Variants in MECOM observed in about 807,000 individuals in gnomAD.
MECOM encodes histone-lysine N-methyltransferase MECOM.
Under a neutral mutation model 116.3 loss-of-function variants are expected in MECOM, and 13 were observed. The ratio of observed to expected loss-of-function variants is 0.11; its 90% CI spans 0.07 to 0.18. The LOEUF (loss-of-function observed/expected upper bound fraction) is 0.18, where lower values mean the gene tolerates loss of function less well. MECOM is among the 10% of genes least tolerant of loss of function. The pLI, the probability that MECOM is intolerant of heterozygous loss-of-function variation, is 1.00. For synonymous variants in MECOM, 528 were observed against 535.2 expected, an observed-to-expected ratio of 0.99 and a Z score of 0.19; for missense variants, 1,299 against 1,509.0, an observed-to-expected ratio of 0.86 and a Z score of 2.31.
chr3:169,443,817 G>A (rs1424501851), intron 1 of MECOM, among the ~76,000 whole-genome samples: 1 of 152,162 alleles, frequency 6.6e-6, no homozygotes, highest in Non-Finnish European at 1.5e-5. Flanking sequence ...AGGAGCAGAG[G>A]GAAAAGTCCA....
At chr3:169,407,817 T>C (rs1736935512) in intron 1 of MECOM, among the ~76,000 whole-genome samples, 1 of 152,176 alleles carries the variant, frequency 6.6e-6, no homozygotes, top group Non-Finnish European at 1.5e-5. Context: ...GTCTTTATAT[T>C]GTTATATGTA....
At chr3:169,131,389 A>G (rs1734637366) in intron 4 of MECOM, 40 bp downstream of exon 4, 2 of 1,505,960 alleles carry the variant, frequency 1.3e-6, no homozygotes. Context: ...TATAGTCGCG[A>G]TGATAAGGTG....
intron 2 of MECOM, among the ~76,000 whole-genome samples, chr3:169,160,083 T>A (rs1257301675): frequency 6.6e-6 from 1 of 152,184 alleles, no homozygotes; most frequent in South Asian, 2.1e-4. Context: ...CATCTTTATA[T>A]CAAAAGAGAA....
chr3:169,316,059 A>G (rs971804713), intron 2 of MECOM, among the ~76,000 whole-genome samples: 5 of 152,264 alleles, frequency 3.3e-5, no homozygotes, highest in African/African-American at 7.2e-5. Context: ...TTAAAAAACA[A>G]TAGATTTAAA....
chr3:169,089,354 T>TA (rs1234240452), intron 15 of MECOM, among the ~76,000 whole-genome samples, 171 bp from the exon 16 acceptor site: 1 of 152,140 alleles, frequency 6.6e-6, no homozygotes, highest in African/African-American at 2.4e-5. Context: ...CATCATGTCT[T>TA]AAAAATATAT....
chr3:169,084,857 AAG>A lies in MECOM; in HGVS notation c.*50_*51del. 1 of 1,610,172 alleles carries A rather than the reference AAG, an allele frequency of 6.2e-7. No individual in the cohort carries two copies. The highest frequency in any genetic ancestry group is 1.1e-5 in the South Asian group (1 of 90,674). ...CAGTCTTGTAAATAGTCCTATATGA[AAG>A]AGCCATGCTACTGTTGGACTTGGTC... On this transcript the variant is annotated 3_prime_UTR_variant, in exon 17 of 17. Coordinates refer to ENST00000651503, the MANE Select transcript of MECOM (RefSeq NM_004991.4).
chr3:169,556,868 C>CAGCTGTTGTAGCATAACA (rs1269831949), intron 1 of MECOM, among the ~76,000 whole-genome samples: 3 of 152,148 alleles, frequency 2.0e-5, no homozygotes, highest in Non-Finnish European at 4.4e-5. Context: ...ACGCTACAAC[C>CAGCTGTTGTAGCATAACA]ACACTGTTAT....
At chr3:169,521,165 A>G (rs1238190496) in intron 1 of MECOM, among the ~76,000 whole-genome samples, 1 of 152,174 alleles carries the variant, frequency 6.6e-6, no homozygotes, top group African/African-American at 2.4e-5. Flanking sequence ...GTGAGTATCA[A>G]AGACCTAGGC....
chr3:169,580,628 A>T (rs978257391), intron 1 of MECOM, among the ~76,000 whole-genome samples: 6 of 152,188 alleles, frequency 3.9e-5, no homozygotes, highest in African/African-American at 1.4e-4. Context: ...CTGAAAAGGC[A>T]GCTCATGGAG....
At chr3:169,114,891 T>C (rs962312799) in intron 8 of MECOM, among the ~76,000 whole-genome samples, 1 of 152,178 alleles carries the variant, frequency 6.6e-6, no homozygotes, top group East Asian at 1.9e-4. Flanking sequence ...TTTCATTTAC[T>C]TGGGGGCTCC....
intron 1 of MECOM, among the ~76,000 whole-genome samples, chr3:169,571,808 C>T (rs1560446996): frequency 1.3e-5 from 2 of 152,232 alleles, no homozygotes; most frequent in African/African-American, 4.8e-5. Context: ...TGAAACTGGA[C>T]CCCTTTCTTA....
intron 1 of MECOM, among the ~76,000 whole-genome samples, chr3:169,517,831 G>T (rs1455844947): frequency 1.3e-5 from 2 of 152,128 alleles, no homozygotes; most frequent in Non-Finnish European, 2.9e-5. Context: ...AGACACATTT[G>T]AGTTCAAAAA....
intron 1 of MECOM, among the ~76,000 whole-genome samples, chr3:169,568,451 C>A (rs1436229601): frequency 6.6e-6 from 1 of 152,146 alleles, no homozygotes; most frequent in Non-Finnish European, 1.5e-5. Flanking sequence ...GAAAGCCCAG[C>A]AAACTAAGAT....
rs540129914 is a variant in MECOM at position 169,380,004 on chromosome 3, A to G, written c.375+1183T>C. ...AAGGATTTCCCACTTGAATCATGTCAAAGCCGGATTCTGGCATTTCAGAAT... is the reference window on the plus strand; with the variant it reads ...AAGGATTTCCCACTTGAATCATGTCGAAGCCGGATTCTGGCATTTCAGAAT... On this transcript the variant is annotated intron_variant, in intron 2 of 16. Transcript: ENST00000651503. Among the ~76,000 whole-genome samples, 6 of 152,296 alleles carry G rather than the reference A, an allele frequency of 3.9e-5. No individual in the cohort carries two copies. The South Asian group carries it at 1.2e-3, about 32-fold the overall frequency.
chr3:169,100,361 A>T (rs1177177309), intron 12 of MECOM, among the ~76,000 whole-genome samples: 1 of 151,962 alleles, frequency 6.6e-6, no homozygotes, highest in African/African-American at 2.4e-5. Flanking sequence ...TGCCTCCCAA[A>T]GTGTCGGGAT....
Position 169,650,119 on chromosome 3 carries a change from T to C in MECOM, c.37+13217A>G, listed in dbSNP as rs548796331. On this transcript the variant is annotated intron_variant, in intron 1 of 16. Transcript: ENST00000651503. ...TCAAAAACTGGAATTTTGCATCTGATGGGCTTTAGTGTGTAACACTATACT... is the reference window on the plus strand; with the variant it reads ...TCAAAAACTGGAATTTTGCATCTGACGGGCTTTAGTGTGTAACACTATACT... Among the ~76,000 whole-genome samples, 9 of 152,366 alleles carry C rather than the reference T, an allele frequency of 5.9e-5. No individual in the cohort carries two copies. The South Asian group carries it at 1.9e-3, about 32-fold the overall frequency.
intron 1 of MECOM, among the ~76,000 whole-genome samples, chr3:169,433,880 T>A (rs541536656): frequency 6.6e-6 from 1 of 152,258 alleles, no homozygotes; most frequent in East Asian, 1.9e-4. Flanking sequence ...AAGATCACAT[T>A]TGGAGAAGCA....
chr3:169,560,554 A>G (rs1762525603), intron 1 of MECOM, among the ~76,000 whole-genome samples: 1 of 152,146 alleles, frequency 6.6e-6, no homozygotes, highest in South Asian at 2.1e-4. Flanking sequence ...TTATCAAAAC[A>G]TTTTAGACAG....
chr3:169,324,095 G>A (rs1238820956), intron 2 of MECOM, among the ~76,000 whole-genome samples: 2 of 152,204 alleles, frequency 1.3e-5, no homozygotes, highest in Admixed American at 1.3e-4. Context: ...AGTTATACAA[G>A]AAGGATTTTA....
Sources: gnomAD v4.1 joint callset for allele counts (sites outside exome capture counted in the v4.1 genomes callset) on GRCh38, gnomAD v4.1.1 for gene constraint, MANE v1.5 for transcripts, NCBI Gene and HGNC (gene_info 2026-07-23, HGNC 2026-07-21) for gene names.